The following MACROD2 variants were observed in gnomAD, a reference collection of about 807,000 sequenced individuals.
The protein encoded by MACROD2 is mono-ADP ribosylhydrolase 2, also known as ADP-ribose glycohydrolase MACROD2.
Under a neutral mutation model 70.4 loss-of-function variants are expected in MACROD2, and 36 were observed. The ratio of observed to expected loss-of-function variants is 0.51; its 90% confidence interval spans 0.39 to 0.68. MACROD2 has a LOEUF of 0.68. Among genes scored for constraint, MACROD2 ranks in the 30% least tolerant of loss-of-function variants. The probability of loss-of-function intolerance (pLI) is 0.00; values close to 1 mark genes in which losing one functional copy is unlikely to be tolerated. For synonymous variants in MACROD2, 172 were observed against 178.8 expected, an observed-to-expected ratio of 0.96 and a Z score of 0.30; for missense variants, 496 against 538.4, an observed-to-expected ratio of 0.92 and a Z score of 0.78.
rs986388086 is a variant in MACROD2 at position 14,742,400 on chromosome 20, A to T, written c.418+57441A>T. Among the ~76,000 whole-genome samples the T allele has an allele frequency of 3.9e-5, 6 of 152,056 alleles. No individual in the cohort carries two copies. The South Asian group carries it at 1.2e-3, about 32-fold the overall frequency. ...CATATAGCCATTTTTCCATAGTTGT[A>T]TTTGTGGTGAGTTAGAAAATAGATA... On this transcript the variant is annotated intron_variant, in intron 5 of 17. Coordinates refer to ENST00000684519, the MANE Select transcript of MACROD2 (RefSeq NM_001351661.2).
intron 8 of MACROD2, among the ~76,000 whole-genome samples, chr20:15,722,683 T>A (rs1484455199): frequency 1.3e-5 from 2 of 152,158 alleles, no homozygotes; most frequent in Non-Finnish European, 2.9e-5. Flanking sequence ...ATCTTTTTTT[T>A]ATTTTACTCT....
chr20:15,122,419 G>T (rs527929545), intron 5 of MACROD2, among the ~76,000 whole-genome samples: 21 of 152,148 alleles, frequency 1.4e-4, no homozygotes, highest in Non-Finnish European at 3.1e-4. Context: ...TGCCCACTGT[G>T]GCAAATTTAC....
At chr20:15,814,131 G>T (rs2063848479) in intron 8 of MACROD2, among the ~76,000 whole-genome samples, 1 of 152,142 alleles carries the variant, frequency 6.6e-6, no homozygotes, top group Non-Finnish European at 1.5e-5. Flanking sequence ...AAATATATGA[G>T]GGTAAAATAA....
chr20:14,864,726 G>A (rs964362064), intron 5 of MACROD2, among the ~76,000 whole-genome samples: 1 of 151,988 alleles, frequency 6.6e-6, no homozygotes, highest in Non-Finnish European at 1.5e-5. Flanking sequence ...AACTGAGAAA[G>A]CAGTGGCTCT....
intron 2 of MACROD2, among the ~76,000 whole-genome samples, chr20:14,084,367 A>G (rs1312494124): frequency 6.6e-6 from 1 of 152,180 alleles, no homozygotes; most frequent in African/African-American, 2.4e-5. Context: ...TTTAAAAATG[A>G]GAGTGTCTCA....
At chr20:14,490,721 C>T (rs1039372691) in intron 3 of MACROD2, among the ~76,000 whole-genome samples, 2 of 152,060 alleles carry the variant, frequency 1.3e-5, no homozygotes, top group Non-Finnish European at 2.9e-5. Context: ...AAAATTCCCT[C>T]TAGGAAGAAA....
At chr20:15,069,427 G>A (rs1265615430) in intron 5 of MACROD2, among the ~76,000 whole-genome samples, 2 of 152,162 alleles carry the variant, frequency 1.3e-5, no homozygotes, top group African/African-American at 4.8e-5. Flanking sequence ...CTGAAAGGGA[G>A]CCAAGTGCTA....
chr20:15,980,812 C>T (rs1043601543), intron 13 of MACROD2, among the ~76,000 whole-genome samples: 1 of 152,148 alleles, frequency 6.6e-6, no homozygotes, highest in African/African-American at 2.4e-5. Flanking sequence ...TGATAGATAG[C>T]ATTTCTTATC....
At chr20:15,184,329 A>C (rs1044411628) in intron 5 of MACROD2, among the ~76,000 whole-genome samples, 1 of 152,164 alleles carries the variant, frequency 6.6e-6, no homozygotes, top group African/African-American at 2.4e-5. Context: ...CCCCTTCAAA[A>C]GGAATGACCT....
chr20:15,532,906 C>G (rs1390129801), intron 8 of MACROD2, among the ~76,000 whole-genome samples: 2 of 152,086 alleles, frequency 1.3e-5, no homozygotes, highest in South Asian at 4.2e-4. Context: ...ATTTCCAGAC[C>G]TGAGGTTAGA....
chr20:15,056,634 A>C (rs413677), intron 5 of MACROD2, among the ~76,000 whole-genome samples: 1 of 149,432 alleles, frequency 6.7e-6, no homozygotes, highest in Non-Finnish European at 1.5e-5. Context: ...TTAGCTGTTT[A>C]AAAAAAAAAA....
At chr20:15,314,506 G>A (rs976011630) in intron 6 of MACROD2, among the ~76,000 whole-genome samples, 2 of 152,032 alleles carry the variant, frequency 1.3e-5, no homozygotes, top group African/African-American at 2.4e-5. Context: ...TCCCCTACCC[G>A]GCTTGGTAGA....
At chr20:15,909,122 G>A (rs576306922) in intron 10 of MACROD2, among the ~76,000 whole-genome samples, 11 of 152,302 alleles carry the variant, frequency 7.2e-5, no homozygotes, top group African/African-American at 2.4e-4. Flanking sequence ...TCACTTGTCT[G>A]AGCCCTAAGC....
Position 14,515,473 on chromosome 20 carries a change from A to ACGCGCGCGCGCGCGCG in MACROD2, c.301+21966_301+21967insGCGCGCGCGCGCGCGC, listed in dbSNP as rs1406815284. 1.6e-4 allele frequency among the ~76,000 whole-genome samples: 11 copies of ACGCGCGCGCGCGCGCG among 67,554 alleles called. 1 individual carries two copies. The highest frequency in any genetic ancestry group is 7.0e-4 in the African/African-American group (10 of 14,250). 44.3% of individuals were successfully genotyped at this position (67,554 alleles called of 152,430 possible). On this transcript the variant is annotated intron_variant, in intron 4 of 17. Transcript: ENST00000684519. ...GTGAGATACACACACACGCACACAC[A>ACGCGCGCGCGCGCGCG]CACACACACACACACACACACACAC...
At chr20:14,682,390 A>T (rs865985068) in intron 4 of MACROD2, among the ~76,000 whole-genome samples, 1 of 151,700 alleles carries the variant, frequency 6.6e-6, no homozygotes, top group Non-Finnish European at 1.5e-5. Flanking sequence ...ACTGCTGCAT[A>T]TATTTTCAGT....
At chr20:15,061,116 T>TGATAGTGTATGCTCAGATA (rs1386816993) in intron 5 of MACROD2, among the ~76,000 whole-genome samples, 12 of 152,292 alleles carry the variant, frequency 7.9e-5, no homozygotes, top group African/African-American at 2.6e-4. Flanking sequence ...CTAATGCTTG[T>TGATAGTGTATGCTCAGATA]GATAGTGTAT....
At chr20:14,634,232 A>G (rs1984664774) in intron 4 of MACROD2, among the ~76,000 whole-genome samples, 1 of 152,224 alleles carries the variant, frequency 6.6e-6, no homozygotes, top group African/African-American at 2.4e-5. Context: ...AATGTCTGCC[A>G]CATTACCAGC....
Position 15,192,374 on chromosome 20 carries a change from C to T in MACROD2, c.419-37566C>T, listed in dbSNP as rs1249584962. ...TTTCACAAGAACAAGTACAACGGAA[C>T]ATCAAATCTTTCAAATCAAACTGTT... is the stretch of plus-strand genomic sequence containing the variant. On this transcript the variant is annotated intron_variant, in intron 5 of 17. Transcript: ENST00000684519. Among the ~76,000 whole-genome samples the T allele has an allele frequency of 7.2e-5, 11 of 152,214 alleles. No homozygotes were observed. In the East Asian group the frequency reaches 1.3e-3, roughly 19 times the overall value.
intron 5 of MACROD2, among the ~76,000 whole-genome samples, chr20:14,734,760 A>C (rs550219608): frequency 1.6e-4 from 25 of 152,194 alleles, no homozygotes; most frequent in Non-Finnish European, 3.5e-4. Flanking sequence ...ACAGTAGTCA[A>C]AACAGCTTGG....
Sources: gnomAD v4.1 joint callset for allele counts (sites outside exome capture counted in the v4.1 genomes callset) on GRCh38, gnomAD v4.1.1 for gene constraint, MANE v1.5 for transcripts, NCBI Gene and HGNC (gene_info 2026-07-23, HGNC 2026-07-21) for gene names.